SBF1: variants seen among roughly 807,000 people sequenced by gnomAD.
SBF1 encodes the protein SET binding factor 1, also known as myotubularin-related protein 5.
A neutral mutation model predicts 215.8 loss-of-function variants in SBF1; 65 were observed. The ratio of observed to expected loss-of-function variants is 0.30; its 90% CI spans 0.25 to 0.37. The LOEUF (loss-of-function observed/expected upper bound fraction) is 0.37. Ranked by LOEUF, SBF1 falls within the 10% of genes least tolerant of loss-of-function variation. SBF1 has a pLI of 1.00. For synonymous variants in SBF1, 1,410 were observed against 1,122.8 expected (o/e 1.26, Z -5.11); for missense variants, 2,634 against 2,667.8 (o/e 0.99, Z 0.28).
intron 1 of SBF1, among the ~76,000 whole-genome samples, chr22:50,471,728 G>A (rs1192291156): frequency 3.3e-5 from 5 of 152,010 alleles, no homozygotes; most frequent in African/African-American, 1.2e-4. Context: ...CTGACCCAAG[G>A]CCTTGGACCC....
rs551871489 is a variant in SBF1 at position 50,474,314 on chromosome 22, G to A, written c.55+472C>T. ...CTTTGCACCCCGCCAAGACCGCCGG[G>A]GGCTTCAGACGGAGCACCAAGGTCA... On this transcript the variant is annotated intron_variant, in intron 1 of 40. Coordinates refer to ENST00000380817, the MANE Select transcript of SBF1 (RefSeq NM_002972.4). Among the ~76,000 whole-genome samples the A allele has an allele frequency of 7.8e-4, 119 of 152,374 alleles. 1 individual carries two copies. The highest frequency in any genetic ancestry group is 2.6e-3 in the African/African-American group (107 of 41,594).
Position 50,455,227 on chromosome 22 carries a change from G to A in SBF1, c.4551C>T (p.His1517=). ...ACCCACACAGCGGCCTGCCCACCTG[G>A]TGTACGCAGTCCAGGAACTGCAGGA... ...PVFLQFLDCV[H]QVHLQFPMEF... is the part of the protein sequence containing the mutation. Residue 1517 remains histidine, a synonymous_variant, in exon 33 of 41, where the codon CAC becomes CAT. Transcript: ENST00000380817. The A allele has an allele frequency of 6.2e-7, 1 of 1,612,884 alleles. No homozygotes were observed.
chr22:50,467,012 C>T, intron 5 of SBF1: 1 of 566,950 alleles, frequency 1.8e-6, no homozygotes, highest in Non-Finnish European at 3.1e-6. Flanking sequence ...CTGCACAGGA[C>T]AGACGGGCAG....
chr22:50,465,673 G>A (rs991437643), intron 10 of SBF1, 90 bp downstream of exon 10: 4 of 1,242,354 alleles, frequency 3.2e-6, no homozygotes, highest in African/African-American at 3.1e-5. Context: ...CCAGCCTGGG[G>A]GTGGGGCCCT....
At chr22:50,461,394 C>T in intron 22 of SBF1, 108 bp from the exon 23 acceptor site, 1 of 1,502,864 alleles carries the variant, frequency 6.7e-7, no homozygotes. Flanking sequence ...GGGGAAGGAG[C>T]AGACAAAGGC....
In SBF1 at chr22:50,454,668, G is replaced by T. The variant is rs752586432; in HGVS notation, c.4887C>A (p.Gly1629=). 7 of 1,579,102 alleles carry T rather than the reference G, an allele frequency of 4.4e-6. No individual in the cohort carries two copies. Among genetic ancestry groups the T allele is most frequent in the Non-Finnish European group, 5.2e-6 (6 of 1,163,236 alleles). Residue 1629 remains glycine (G), a synonymous_variant, in exon 36 of 41, where the codon GGC becomes GGA. Transcript: ENST00000380817. ...GGGCCAGTTCCCAGTCATAGGGAGG[G>T]CCCTCGGCCAGCGTCTCCTCAGTGT... ...DFYTEETLAE[G]PPYDWELAQG...
chr22:50,474,716 A>T, intron 1 of SBF1, 70 bp downstream of exon 1: 1 of 1,219,860 alleles, frequency 8.2e-7, no homozygotes, highest in Admixed American at 2.7e-5. Context: ...CTCGACCCTC[A>T]GACCCAGCCC....
chr22:50,470,983 G>A (rs1475850385), intron 1 of SBF1, among the ~76,000 whole-genome samples: 1 of 152,158 alleles, frequency 6.6e-6, no homozygotes, highest in Admixed American at 6.5e-5. Flanking sequence ...GGATGTGGGG[G>A]GTTTTGCCAC....
Position 50,464,368 on chromosome 22 carries a change from G to A in SBF1, c.1710C>T (p.Ile570=), listed in dbSNP as rs1211013322. Residue 570 remains isoleucine (I), a synonymous_variant, in exon 15 of 41, where the codon ATC becomes ATT. Transcript: ENST00000380817. ...GCATTTTCCCCTCAAACACGTAGGA[G>A]ATGCAGTTGCGCACAACCTCCAGCC... The part of the protein sequence containing the change: ...ARRLEVVRNC[I]SYVFEGKMLE... 3 of 1,614,106 alleles carry A rather than the reference G, an allele frequency of 1.9e-6. No individual in the cohort carries two copies. Among genetic ancestry groups the A allele is most frequent in the African/African-American group, 1.3e-5 (1 of 75,066 alleles).
In SBF1 at chr22:50,474,773, C is replaced by T. The variant is rs528062695; in HGVS notation, c.55+13G>A. The T allele has an allele frequency of 2.5e-4, 369 of 1,464,026 alleles. 5 individuals are homozygous for T. The South Asian group carries it at 3.5e-3, about 14-fold the overall frequency. 90.7% of individuals were successfully genotyped at this position (1,464,026 alleles called of 1,614,324 possible). A position where few individuals can be genotyped will look rare whatever the true frequency, so the allele number is the denominator to read the frequency against. On this transcript the variant is annotated intron_variant, in intron 1 of 40. Transcript: ENST00000380817. ...TCGGCCCCCGGCCCTCAGCGCTTGG[C>T]CTCGGCACTCACCGCGCGGGTGCGG...
chr22:50,465,658 CGGGG>C (rs2067717611), intron 10 of SBF1, 101 bp downstream of exon 10: 1 of 1,084,730 alleles, frequency 9.2e-7, no homozygotes, highest in African/African-American at 1.6e-5. Flanking sequence ...CTACTGGAGC[CGGGG>C]CCAGCCTGGG....
intron 37 of SBF1, 26 bp downstream of exon 37, chr22:50,448,517 G>T (rs752338849): frequency 1.2e-6 from 2 of 1,609,936 alleles, no homozygotes; most frequent in South Asian, 1.1e-5. Flanking sequence ...CGCCCACCGT[G>T]GACGCTCACA....
Position 50,446,820 on chromosome 22 carries a change from TC to T in SBF1, c.*321del. 1 of 683,426 alleles carries T rather than the reference TC, an allele frequency of 1.5e-6. No individual in the cohort carries two copies. Among genetic ancestry groups the T allele is most frequent in the Non-Finnish European group, 2.7e-6 (1 of 366,626 alleles). The allele number at this position is 683,426 out of a possible 1,614,324, so 42.3% of individuals were successfully genotyped here. ...GCACAGGAGCGTGGCGTTAGTTCTC[TC>T]TTTATATAGACTCTGGTTCTAGAAA... On this transcript the variant is annotated 3_prime_UTR_variant, in exon 41 of 41. Coordinates refer to ENST00000380817, the MANE Select transcript of SBF1 (RefSeq NM_002972.4).
chr22:50,461,367 G>A, intron 22 of SBF1, 81 bp from the exon 23 acceptor site: 2 of 1,533,580 alleles, frequency 1.3e-6, no homozygotes, highest in Non-Finnish European at 1.8e-6. Context: ...CACAGTTATG[G>A]GGAATCCCAA....
Position 50,454,892 on chromosome 22 carries a change from A to G in SBF1, c.4734T>C (p.Ser1578=). The G allele has an allele frequency of 6.2e-7, 1 of 1,614,076 alleles. No homozygotes were observed. The highest frequency in any genetic ancestry group is 8.5e-7 in the Non-Finnish European group (1 of 1,180,008). The change falls in exon 35 of 41, where the codon TCT becomes TCC. Residue 1578 remains serine, a synonymous_variant. Transcript: ENST00000380817. The stretch of plus-strand genomic sequence containing the variant: ...TCAGCCGGTCCACATACTCCCACAC[A>G]GACCTGCACGGCACCTGGCCCCTGC... The part of the protein sequence containing the change: ...GERRGQVPCR[S]VWEYVDRLSK...
At chr22:50,473,381 G>A (rs1450137515) in intron 1 of SBF1, among the ~76,000 whole-genome samples, 2 of 152,174 alleles carry the variant, frequency 1.3e-5, no homozygotes, top group Non-Finnish European at 2.9e-5. Flanking sequence ...GTGCCTCGGT[G>A]CAGACAGCTC....
chr22:50,473,546 G>T (rs903913145), intron 1 of SBF1, among the ~76,000 whole-genome samples: 11 of 152,200 alleles, frequency 7.2e-5, no homozygotes, highest in Non-Finnish European at 1.5e-4. Context: ...CATGAGCAGA[G>T]AGGAGTGTGT....
chr22:50,461,086 T>G (rs536444279), intron 23 of SBF1, 73 bp downstream of exon 23: 20 of 1,516,912 alleles, frequency 1.3e-5, no homozygotes, highest in Non-Finnish European at 1.6e-5. Context: ...AAATGGTTCA[T>G]ACAAGAAAGA....
Position 50,454,609 on chromosome 22 carries a change from G to C in SBF1, c.4946C>G (p.Ser1649Cys), listed in dbSNP as rs772698006. 1 of 1,608,594 alleles carries C rather than the reference G, an allele frequency of 6.2e-7. No homozygotes were observed. The highest frequency in any genetic ancestry group is 2.2e-5 in the East Asian group (1 of 44,842). ...CCTGCTCTGGGGAGCGCCTCCATCA[G>C]ACCGTTCTTCCTCTGGGGGTTCAGG... ...GPPEPPEEER[S>C]DGGAPQSRRR... The change falls in exon 36 of 41, where the codon TCT becomes TGT. Residue 1649 changes from serine (S) to cysteine (C), a missense_variant. Coordinates refer to ENST00000380817, the MANE Select transcript of SBF1 (RefSeq NM_002972.4).
Sources: gnomAD v4.1 joint callset for allele counts (sites outside exome capture counted in the v4.1 genomes callset) on GRCh38, gnomAD v4.1.1 for gene constraint, MANE v1.5 for transcripts, NCBI Gene and HGNC (gene_info 2026-07-23, HGNC 2026-07-21) for gene names.